GRIK2: variants seen among roughly 807,000 people sequenced by gnomAD.
GRIK2 encodes the protein glutamate receptor ionotropic, kainate 2.
Under a neutral mutation model 100.3 loss-of-function variants are expected in GRIK2, and 32 were observed. The observed-to-expected ratio is 0.32, with a 90% CI of 0.24 to 0.43. The LOEUF (loss-of-function observed/expected upper bound fraction) is 0.43, where lower values mean the gene tolerates loss of function less well. Ranked by LOEUF, GRIK2 falls within the 20% of genes least tolerant of loss-of-function variation. The probability of loss-of-function intolerance (pLI) is 1.00; values close to 1 mark genes in which losing one functional copy is unlikely to be tolerated. For synonymous variants in GRIK2, 417 were observed against 389.4 expected, an observed-to-expected ratio of 1.07 and a Z score of -0.83; for missense variants, 843 against 1,114.9, an observed-to-expected ratio of 0.76 and a Z score of 3.47.
At position 101,587,378 on chromosome 6, in the gene GRIK2, ATCTG is replaced by A. The variant is rs201037246; in HGVS notation, c.116-34564_116-34561del. Among the ~76,000 whole-genome samples, 308 of 108,980 alleles carry A rather than the reference ATCTG, an allele frequency of 2.8e-3. 2 individuals carry two copies. Among genetic ancestry groups the A allele is most frequent in the African/African-American group, 7.9e-3 (296 of 37,668 alleles). The allele number at this position is 108,980 out of a possible 152,430, so 71.5% of individuals were successfully genotyped here. ...ATTAAATGACAGAATCTATCAATCT[ATCTG>A]TCTGTCCGTCTGTCTGTCCCTCCGT... On this transcript the variant is annotated intron_variant, in intron 2 of 16. Transcript: ENST00000369134.
intron 7 of GRIK2, among the ~76,000 whole-genome samples, chr6:101,775,826 T>TGGAGAG (rs1329583348): frequency 6.6e-6 from 1 of 151,372 alleles, no homozygotes; most frequent in Non-Finnish European, 1.5e-5. Flanking sequence ...TATATATATA[T>TGGAGAG]GGAGAGAGAG....
intron 2 of GRIK2, among the ~76,000 whole-genome samples, chr6:101,505,036 G>A (rs1043098827): frequency 6.7e-5 from 10 of 149,444 alleles, no homozygotes; most frequent in African/African-American, 2.5e-4. Flanking sequence ...GTGCATTTGA[G>A]CTACTTGTCA....
At chr6:101,977,478 G>A (rs1010467379) in intron 14 of GRIK2, among the ~76,000 whole-genome samples, 15 of 151,954 alleles carry the variant, frequency 9.9e-5, no homozygotes, top group African/African-American at 3.1e-4. Flanking sequence ...TCATGACTAC[G>A]TGGGCATTCT....
At chr6:101,422,050 T>A (rs1776438795) in intron 2 of GRIK2, among the ~76,000 whole-genome samples, 1 of 152,202 alleles carries the variant, frequency 6.6e-6, no homozygotes, top group South Asian at 2.1e-4. Context: ...TGAATTAAAT[T>A]CCCAACTCTT....
chr6:101,703,089 A>C (rs1773009599), intron 7 of GRIK2, among the ~76,000 whole-genome samples: 1 of 151,952 alleles, frequency 6.6e-6, no homozygotes, highest in Non-Finnish European at 1.5e-5. Context: ...TTGTTGAGTG[A>C]AGGAAGGAAT....
intron 14 of GRIK2, among the ~76,000 whole-genome samples, chr6:101,981,813 TAAA>T (rs143911241): frequency 1.3e-5 from 2 of 150,176 alleles, no homozygotes; most frequent in Non-Finnish European, 3.0e-5. Context: ...AAAGTGGAGG[TAAA>T]AAAAAAGTAT....
In GRIK2 at chr6:102,006,393, T is replaced by A. The variant is rs1455077083; in HGVS notation, c.2086-28948T>A. 2.5e-3 allele frequency among the ~76,000 whole-genome samples: 353 copies of A among 141,014 alleles called. 1 individual carries two copies. Among genetic ancestry groups the A allele is most frequent in the East Asian group, 4.4e-3 (21 of 4,758 alleles). The allele number at this position is 141,014 out of a possible 152,430, so 92.5% of individuals were successfully genotyped here. A position where few individuals can be genotyped will look rare whatever the true frequency, so the allele number is the denominator to read the frequency against. ...TTATATATATATATATATATATATT[T>A]TTTTTTTTTTTGAGACATACAGTGG... On this transcript the variant is annotated intron_variant, in intron 14 of 16. Transcript: ENST00000369134.
chr6:101,523,052 T>C (rs1774959471), intron 2 of GRIK2, among the ~76,000 whole-genome samples: 1 of 152,112 alleles, frequency 6.6e-6, no homozygotes, highest in African/African-American at 2.4e-5. Context: ...TGGTTTCATG[T>C]ATGATTTTCA....
intron 11 of GRIK2, among the ~76,000 whole-genome samples, chr6:101,878,623 A>G (rs1044456103): frequency 9.2e-5 from 14 of 152,008 alleles, no homozygotes; most frequent in Admixed American, 6.6e-5. Flanking sequence ...TATTTCCAGA[A>G]CACATTGAGC....
At chr6:101,687,039 G>A (rs1771749736) in intron 7 of GRIK2, among the ~76,000 whole-genome samples, 1 of 151,960 alleles carries the variant, frequency 6.6e-6, no homozygotes, top group African/African-American at 2.4e-5. Flanking sequence ...AAAAATCAGT[G>A]TTTGTTTAAG....
In GRIK2 at chr6:101,823,532, G is replaced by GT. The variant is rs546311088; in HGVS notation, c.1317+5056dup. Among the ~76,000 whole-genome samples, 33 of 151,584 alleles carry GT rather than the reference G, an allele frequency of 2.2e-4. No individual in the cohort carries two copies. In the East Asian group the frequency reaches 2.3e-3, roughly 11 times the overall value. ...AGTTCGGTTGTTGTTAAAATTCTCTGTTTTTTTGTGTTTATCGTTATTAAT... is the reference window on the plus strand; with the variant it reads ...AGTTCGGTTGTTGTTAAAATTCTCTGTTTTTTTTGTGTTTATCGTTATTAAT... On this transcript the variant is annotated intron_variant, in intron 10 of 16. Coordinates refer to ENST00000369134, the MANE Select transcript of GRIK2 (RefSeq NM_021956.5).
At position 101,867,494 on chromosome 6, in the gene GRIK2, C is replaced by T. The variant is rs191196122; in HGVS notation, c.1524+8001C>T. Among the ~76,000 whole-genome samples, 24 of 151,752 alleles carry T rather than the reference C, an allele frequency of 1.6e-4. No individual in the cohort carries two copies. In the East Asian group the frequency reaches 3.5e-3, roughly 22 times the overall value. ...AATTTAATCCAGAAACATGGTCTAT[C>T]ACAGATCAGTGTAATTCTGATTTAT... On this transcript the variant is annotated intron_variant, in intron 11 of 16. Transcript: ENST00000369134.
chr6:101,698,662 A>G (rs1046100574), intron 7 of GRIK2, among the ~76,000 whole-genome samples: 3 of 152,094 alleles, frequency 2.0e-5, no homozygotes, highest in Non-Finnish European at 4.4e-5. Flanking sequence ...CATCTACTCT[A>G]TGCAATGTAT....
intron 14 of GRIK2, among the ~76,000 whole-genome samples, chr6:101,932,373 T>G (rs1790344148): frequency 6.6e-6 from 1 of 152,048 alleles, no homozygotes; most frequent in African/African-American, 2.4e-5. Flanking sequence ...AGTCCTGTGT[T>G]GCATTCTATA....
intron 4 of GRIK2, among the ~76,000 whole-genome samples, chr6:101,651,004 C>CTTTTTTTTTT (rs3056156): frequency 8.4e-6 from 1 of 119,518 alleles, no homozygotes; most frequent in African/African-American, 3.0e-5. Context: ...CTTTCTTTTT[C>CTTTTTTTTTT]TTTTTTTTTT....
chr6:101,934,121 C>A (rs1426390568), intron 14 of GRIK2, among the ~76,000 whole-genome samples: 5 of 151,794 alleles, frequency 3.3e-5, no homozygotes, highest in Non-Finnish European at 7.4e-5. Context: ...TCATTATGCT[C>A]ATTTAACAGA....
chr6:101,718,063 C>A (rs1330613358), intron 7 of GRIK2, among the ~76,000 whole-genome samples: 1 of 151,570 alleles, frequency 6.6e-6, no homozygotes, highest in Non-Finnish European at 1.5e-5. Flanking sequence ...GTCTATACCA[C>A]CAAATTATTT....
At chr6:101,775,825 A>G (rs1049406943) in intron 7 of GRIK2, among the ~76,000 whole-genome samples, 1 of 151,572 alleles carries the variant, frequency 6.6e-6, no homozygotes, top group Non-Finnish European at 1.5e-5. Flanking sequence ...ATATATATAT[A>G]TGGAGAGAGA....
At chr6:101,687,661 C>T (rs1050192006) in intron 7 of GRIK2, among the ~76,000 whole-genome samples, 5 of 151,606 alleles carry the variant, frequency 3.3e-5, no homozygotes, top group Admixed American at 2.6e-4. Context: ...TCTGATGGAA[C>T]AAAAAATACA....
Sources: allele counts gnomAD v4.1 joint callset (sites outside exome capture counted in the v4.1 genomes callset), GRCh38; gene constraint gnomAD v4.1.1; transcripts MANE v1.5; gene names NCBI Gene and HGNC (gene_info 2026-07-23, HGNC 2026-07-21).